Variants in TMPRSS12 observed in about 807,000 individuals in gnomAD.
TMPRSS12 encodes transmembrane serine protease 12.
TMPRSS12 carries 25 observed loss-of-function variants against 26.0 expected under a neutral mutation model. That is an observed-to-expected ratio of 0.96 (90% CI 0.70 to 1.34). The LOEUF is 1.34. Ranked by LOEUF, TMPRSS12 falls within the 40% of genes most tolerant of loss-of-function variation. The pLI, the probability that TMPRSS12 is intolerant of heterozygous loss-of-function variation, is 0.00. For synonymous variants in TMPRSS12, 150 were observed against 161.7 expected (o/e 0.93, Z 0.55); for missense variants, 441 against 440.1 (o/e 1.00, Z -0.02).
Position 50,872,742 on chromosome 12 carries a change from A to AGACG in TMPRSS12, c.653-12504_653-12503insGACG, listed in dbSNP as rs1565935874. Among the ~76,000 whole-genome samples, 347 of 110,672 alleles carry AGACG rather than the reference A, an allele frequency of 3.1e-3. 87 individuals are homozygous for AGACG. The highest frequency in any genetic ancestry group is 9.3e-3 in the African/African-American group (253 of 27,212). 72.6% of individuals were successfully genotyped at this position (110,672 alleles called of 152,430 possible). A position where few individuals can be genotyped will look rare whatever the true frequency, so the allele number is the denominator to read the frequency against. On this transcript the variant is annotated intron_variant, in intron 3 of 4. Coordinates refer to ENST00000398458, the MANE Select transcript of TMPRSS12 (RefSeq NM_182559.3). ...ATATGACGTATATATGTACATATAT[A>AGACG]TACGTCTATATATGTACATATATAT...
At chr12:50,857,817 CGTTGTTGTT>C (rs547869410) in intron 2 of TMPRSS12, among the ~76,000 whole-genome samples, 6,548 of 96,808 alleles carry the variant, frequency 0.068, 495 homozygotes, top group African/African-American at 0.23. Context: ...TCGTTGTTGT[CGTTGTTGTT>C]GTTGTTGTTG....
intron 1 of TMPRSS12, 67 bp from the exon 2 acceptor site, chr12:50,843,775 G>A (rs1393026572): frequency 1.4e-6 from 2 of 1,459,838 alleles, no homozygotes; most frequent in Non-Finnish European, 9.3e-7. Context: ...GCATTAATAT[G>A]TTCAGCTTAG....
At chr12:50,879,867 G>T (rs1228444992) in intron 3 of TMPRSS12, among the ~76,000 whole-genome samples, 1 of 152,082 alleles carries the variant, frequency 6.6e-6, no homozygotes, top group African/African-American at 2.4e-5. Flanking sequence ...CTACTCAGGA[G>T]GCTGAAGTGG....
intron 4 of TMPRSS12, chr12:50,886,452 A>G (rs751341947): frequency 1.2e-4 from 19 of 152,128 alleles, no homozygotes; most frequent in Admixed American, 3.3e-4. Flanking sequence ...CATTTCTGCA[A>G]TCTAAAGTTT....
chr12:50,868,655 G>T (rs1001986445), intron 3 of TMPRSS12, among the ~76,000 whole-genome samples: 2 of 152,112 alleles, frequency 1.3e-5, no homozygotes, highest in African/African-American at 4.8e-5. Flanking sequence ...AGACTTAACA[G>T]ATATATACAG....
At chr12:50,872,979 T>TATATATATGTACATATATATGACGC (rs1565936173) in intron 3 of TMPRSS12, among the ~76,000 whole-genome samples, 29 of 148,628 alleles carry the variant, frequency 2.0e-4, no homozygotes, top group African/African-American at 6.8e-4. Flanking sequence ...ATATATGACG[T>TATATATATGTACATATATATGACGC]ATATATATGA....
chr12:50,883,918 C>T (rs1938198896), intron 3 of TMPRSS12, among the ~76,000 whole-genome samples: 1 of 152,144 alleles, frequency 6.6e-6, no homozygotes, highest in Non-Finnish European at 1.5e-5. Flanking sequence ...GGGAGGATTG[C>T]TTGAGCCCAG....
At chr12:50,880,727 G>T (rs1938155347) in intron 3 of TMPRSS12, among the ~76,000 whole-genome samples, 1 of 151,726 alleles carries the variant, frequency 6.6e-6, no homozygotes, top group African/African-American at 2.4e-5. Context: ...ACACCAAACA[G>T]GAAACAATTC....
chr12:50,859,126 A>G (rs1441640624), intron 3 of TMPRSS12, 73 bp downstream of exon 3: 12 of 1,331,312 alleles, frequency 9.0e-6, no homozygotes, highest in South Asian at 1.6e-5. Flanking sequence ...CCTTTTATAT[A>G]CATTCATGTG....
At chr12:50,844,894 T>C (rs1300761078) in intron 2 of TMPRSS12, among the ~76,000 whole-genome samples, 1 of 152,202 alleles carries the variant, frequency 6.6e-6, no homozygotes, top group Non-Finnish European at 1.5e-5. Flanking sequence ...TTCAGCCATT[T>C]AAAAATGTAG....
In TMPRSS12 at chr12:50,876,493, C is replaced by T. The variant is rs532389030; in HGVS notation, c.653-8753C>T. On this transcript the variant is annotated intron_variant, in intron 3 of 4. Coordinates refer to ENST00000398458, the MANE Select transcript of TMPRSS12 (RefSeq NM_182559.3). Reference sequence around the variant, plus strand: ...TGTAATAGCAAAGACATGGAATCAACCAAGGTGCCCATCAACAATAGACTG... The same window carrying T: ...TGTAATAGCAAAGACATGGAATCAATCAAGGTGCCCATCAACAATAGACTG... Among the ~76,000 whole-genome samples, 6 of 152,302 alleles carry T rather than the reference C, an allele frequency of 3.9e-5. No homozygotes were observed. In the East Asian group the frequency reaches 1.2e-3, roughly 29 times the overall value.
chr12:50,853,682 T>C (rs1009888067), intron 2 of TMPRSS12, among the ~76,000 whole-genome samples: 5 of 148,250 alleles, frequency 3.4e-5, no homozygotes, highest in Non-Finnish European at 7.4e-5. Context: ...AAATATAAAA[T>C]ACCTTCAGAG....
At chr12:50,845,139 A>C (rs1937755836) in intron 2 of TMPRSS12, among the ~76,000 whole-genome samples, 1 of 152,194 alleles carries the variant, frequency 6.6e-6, no homozygotes, top group South Asian at 2.1e-4. Flanking sequence ...TCTTTGCTTC[A>C]TCTCCATTGA....
intron 3 of TMPRSS12, among the ~76,000 whole-genome samples, chr12:50,864,860 C>T (rs922331200): frequency 4.0e-5 from 6 of 151,836 alleles, no homozygotes; most frequent in African/African-American, 9.7e-5. Context: ...AGGGTTTCAC[C>T]GTGTTAGCCA....
At chr12:50,879,849 A>G (rs1293560545) in intron 3 of TMPRSS12, among the ~76,000 whole-genome samples, 3 of 152,118 alleles carry the variant, frequency 2.0e-5, no homozygotes, top group Non-Finnish European at 4.4e-5. Flanking sequence ...ATATGCCTGT[A>G]GTCCCAGCTA....
At chr12:50,870,195 A>AAACAAC (rs888249158) in intron 3 of TMPRSS12, among the ~76,000 whole-genome samples, 2 of 152,156 alleles carry the variant, frequency 1.3e-5, no homozygotes, top group Non-Finnish European at 2.9e-5. Context: ...TTCCATCTCA[A>AAACAAC]AACAACAACA....
intron 2 of TMPRSS12, among the ~76,000 whole-genome samples, chr12:50,857,799 TGTTGTTGTCGTTGTTGTC>T (rs762661929): frequency 6.7e-6 from 1 of 149,952 alleles, no homozygotes; most frequent in South Asian, 2.1e-4. Flanking sequence ...TTGTTGTTGT[TGTTGTTGTCGTTGTTGTC>T]GTTGTTGTTG....
intron 3 of TMPRSS12, among the ~76,000 whole-genome samples, chr12:50,877,340 C>G (rs1938122331): frequency 6.6e-6 from 1 of 152,084 alleles, no homozygotes; most frequent in Non-Finnish European, 1.5e-5. Flanking sequence ...CCTATAAAAT[C>G]AGGAACAAAG....
chr12:50,843,356 C>T (rs1470243222), intron 1 of TMPRSS12, among the ~76,000 whole-genome samples: 2 of 152,146 alleles, frequency 1.3e-5, no homozygotes, highest in Admixed American at 6.5e-5. Flanking sequence ...TGTATTTTCT[C>T]CTCAAAACAT....
Sources: gnomAD v4.1 joint callset for allele counts (sites outside exome capture counted in the v4.1 genomes callset) on GRCh38, gnomAD v4.1.1 for gene constraint, MANE v1.5 for transcripts, NCBI Gene and HGNC (gene_info 2026-07-23, HGNC 2026-07-21) for gene names.